MAP3K20: variants seen among roughly 807,000 people sequenced by gnomAD.
MAP3K20 encodes mitogen-activated protein kinase kinase kinase 20.
Under a neutral mutation model 85.7 loss-of-function variants are expected in MAP3K20, and 40 were observed. The observed-to-expected ratio is 0.47, with a 90% confidence interval of 0.36 to 0.61. MAP3K20 has a LOEUF of 0.61. MAP3K20 is among the 20% of genes least tolerant of loss of function. The pLI is 0.00. For synonymous variants in MAP3K20, 325 were observed against 327.7 expected (o/e 0.99, Z 0.09); for missense variants, 817 against 961.7 (o/e 0.85, Z 1.99).
chr2:173,148,906 C>T (rs1455287478), intron 2 of MAP3K20, among the ~76,000 whole-genome samples: 1 of 152,194 alleles, frequency 6.6e-6, no homozygotes, highest in East Asian at 1.9e-4. Flanking sequence ...CACTCTGCCT[C>T]TTCTTCTGTT....
chr2:173,207,975 A>C (rs1354460357), intron 9 of MAP3K20, among the ~76,000 whole-genome samples: 1 of 152,240 alleles, frequency 6.6e-6, no homozygotes, highest in Non-Finnish European at 1.5e-5. Context: ...ATTACAGAAG[A>C]GTTTCACCTT....
At chr2:173,135,098 CAA>C (rs958731139) in intron 2 of MAP3K20, among the ~76,000 whole-genome samples, 1 of 152,058 alleles carries the variant, frequency 6.6e-6, no homozygotes, top group African/African-American at 2.4e-5. Flanking sequence ...CTGATAGAAG[CAA>C]AGAGGATGTA....
At chr2:173,209,387 G>A (rs1255849372) in intron 9 of MAP3K20, among the ~76,000 whole-genome samples, 2 of 152,170 alleles carry the variant, frequency 1.3e-5, no homozygotes, top group Non-Finnish European at 2.9e-5. Flanking sequence ...TTATCACGGA[G>A]ATTTTTAAAG....
chr2:173,137,501 T>C (rs78161404), intron 2 of MAP3K20, among the ~76,000 whole-genome samples: 1 of 152,010 alleles, frequency 6.6e-6, no homozygotes, highest in African/African-American at 2.4e-5. Context: ...TTTTTTTTTT[T>C]CTGGTTGAGT....
chr2:173,087,384 A>G (rs927208845), intron 1 of MAP3K20, among the ~76,000 whole-genome samples: 4 of 152,218 alleles, frequency 2.6e-5, no homozygotes, highest in Non-Finnish European at 5.9e-5. Flanking sequence ...AGGTCAGTGT[A>G]TATTGGGAAG....
chr2:173,078,262 G>C (rs531783062), intron 1 of MAP3K20, among the ~76,000 whole-genome samples: 152 of 152,314 alleles, frequency 1.0e-3, no homozygotes, highest in African/African-American at 3.5e-3. Flanking sequence ...CTTGGAATAA[G>C]ATAGCCCTAT....
At chr2:173,234,122 G>C (rs1468989277) in intron 14 of MAP3K20, among the ~76,000 whole-genome samples, 1 of 152,116 alleles carries the variant, frequency 6.6e-6, no homozygotes, top group Admixed American at 6.5e-5. Flanking sequence ...GTCCTATTTG[G>C]CAGATGCCAA....
intron 14 of MAP3K20, among the ~76,000 whole-genome samples, chr2:173,234,380 T>A (rs962962714): frequency 6.6e-6 from 1 of 152,202 alleles, no homozygotes; most frequent in African/African-American, 2.4e-5. Flanking sequence ...CTACTAATTG[T>A]GAGACTGGGC....
At chr2:173,086,536 T>A (rs1687151541) in intron 1 of MAP3K20, among the ~76,000 whole-genome samples, 1 of 152,226 alleles carries the variant, frequency 6.6e-6, no homozygotes, top group Non-Finnish European at 1.5e-5. Flanking sequence ...TTTTTATGGT[T>A]TCAATAAAAC....
intron 2 of MAP3K20, among the ~76,000 whole-genome samples, chr2:173,093,392 A>G (rs1687358308): frequency 6.6e-6 from 1 of 152,168 alleles, no homozygotes; most frequent in South Asian, 2.1e-4. Flanking sequence ...TTAATATTAG[A>G]CTAAATATAT....
intron 14 of MAP3K20, among the ~76,000 whole-genome samples, chr2:173,236,650 G>A (rs986839585): frequency 2.0e-5 from 3 of 152,148 alleles, no homozygotes; most frequent in African/African-American, 7.2e-5. Context: ...GCTACCCAGT[G>A]GGGGCTCAGC....
intron 11 of MAP3K20, chr2:173,222,024 A>C: frequency 1.0e-5 from 10 of 977,374 alleles, no homozygotes; most frequent in Non-Finnish European, 1.2e-5. Flanking sequence ...GCAACCTAGT[A>C]AGACCTCGTC....
intron 2 of MAP3K20, among the ~76,000 whole-genome samples, chr2:173,097,184 C>G (rs111540961): frequency 6.6e-6 from 1 of 152,046 alleles, no homozygotes; most frequent in African/African-American, 2.4e-5. Context: ...ATCGAAACCC[C>G]GTCTCTACTA....
At chr2:173,079,035 A>G (rs34472765) in intron 1 of MAP3K20, among the ~76,000 whole-genome samples, 41,157 of 152,076 alleles carry the variant, frequency 0.27, 6,907 homozygotes, top group Non-Finnish European at 0.37. Context: ...AATGATGGGG[A>G]TACGTTCTGA....
At chr2:173,217,319 T>A (rs569483447) in intron 11 of MAP3K20, 69 bp downstream of exon 11, 1 of 1,356,382 alleles carries the variant, frequency 7.4e-7, no homozygotes, top group African/African-American at 1.5e-5. Flanking sequence ...CATGGCAGCA[T>A]GGCACCTCTT....
intron 14 of MAP3K20, among the ~76,000 whole-genome samples, chr2:173,236,818 G>A (rs1684663516): frequency 1.3e-5 from 2 of 152,138 alleles, no homozygotes; most frequent in South Asian, 4.1e-4. Flanking sequence ...GGCCTTTGGG[G>A]ATGAGTAGCT....
At position 173,108,427 on chromosome 2, in the gene MAP3K20, G is replaced by A. The variant is rs118037541; in HGVS notation, c.159+17237G>A. On this transcript the variant is annotated intron_variant, in intron 2 of 19. Transcript: ENST00000375213. Reference sequence around the variant, plus strand: ...ATTATAGGCGTGAGCCACCGCGCCCGGCATAAACTGGGATTTTTAAAAATC... The same window carrying A: ...ATTATAGGCGTGAGCCACCGCGCCCAGCATAAACTGGGATTTTTAAAAATC... 6.6e-4 allele frequency among the ~76,000 whole-genome samples: 100 copies of A among 152,276 alleles called. 1 individual carries two copies. The East Asian group carries it at 0.015, about 22-fold the overall frequency.
intron 9 of MAP3K20, among the ~76,000 whole-genome samples, chr2:173,208,640 ATTATATATCC>A (rs147013650): frequency 0.012 from 1,882 of 151,532 alleles, 44 homozygotes; most frequent in African/African-American, 0.044. Context: ...GGCAGAACTC[ATTATATATCC>A]TAGGTTTTTA....
chr2:173,223,575 A>G (rs1400493426), intron 11 of MAP3K20: 4 of 985,348 alleles, frequency 4.1e-6, no homozygotes, highest in Non-Finnish European at 2.4e-6. Flanking sequence ...CTTTCAGGAA[A>G]GATAAAGAGA....
Sources: allele counts gnomAD v4.1 joint callset (sites outside exome capture counted in the v4.1 genomes callset), GRCh38; gene constraint gnomAD v4.1.1; transcripts MANE v1.5; gene names NCBI Gene and HGNC (gene_info 2026-07-23, HGNC 2026-07-21).